GALNT9: variants seen among roughly 807,000 people sequenced by gnomAD.
The protein encoded by GALNT9 is polypeptide N-acetylgalactosaminyltransferase 9.
A neutral mutation model predicts 63.1 loss-of-function variants in GALNT9; 47 were observed. That is an observed-to-expected ratio of 0.75 (90% CI 0.59 to 0.95). The LOEUF is 0.95. Ranked by LOEUF, GALNT9 falls within the 40% of genes least tolerant of loss-of-function variation. GALNT9 has a pLI of 0.00. For synonymous variants in GALNT9, 396 were observed against 365.7 expected (o/e 1.08, Z -0.94); for missense variants, 829 against 874.8 (o/e 0.95, Z 0.66).
rs28412644 is a variant in GALNT9, at chr12:132,327,266, T to C, written c.238+1700A>G. Among the ~76,000 whole-genome samples the C allele has an allele frequency of 0.57, 71,017 of 125,498 alleles. 18,047 individuals are homozygous for C. Among genetic ancestry groups the C allele is most frequent in the African/African-American group, 0.7 (25,933 of 36,830 alleles). The allele number at this position is 125,498 out of a possible 152,430, so 82.3% of individuals were successfully genotyped here. ...GGACAGAGGACAGGAGGAAGCGGGATGGGAGAAGGCAGTGGGGGCGGTGGG... is the reference window on the plus strand; with the variant it reads ...GGACAGAGGACAGGAGGAAGCGGGACGGGAGAAGGCAGTGGGGGCGGTGGG... On this transcript the variant is annotated intron_variant, in intron 1 of 10. Transcript: ENST00000328957. The surrounding 1 kb of genome is among the most constrained non-coding windows in gnomAD (Gnocchi z 4.3).
rs782432750 is a variant in GALNT9, at chr12:132,296,157, G to A, written c.239-9727C>T. Among the ~76,000 whole-genome samples, 18 of 151,728 alleles carry A rather than the reference G, an allele frequency of 1.2e-4. No individual in the cohort carries two copies. Among genetic ancestry groups the A allele is most frequent in the South Asian group, 2.1e-4 (1 of 4,788 alleles). ...GAGCCTCTGAACAGGGACGGCCTCC[G>A]AACAGGGAGAGCCTCCGGAATAGGG... On this transcript the variant is annotated intron_variant, in intron 1 of 10. Coordinates refer to ENST00000328957, the MANE Select transcript of GALNT9 (RefSeq NM_001122636.2). The surrounding 1 kb of genome is among the most constrained non-coding windows in gnomAD (Gnocchi z 4.2).
rs61745412 is a variant in GALNT9 at position 132,199,225 on chromosome 12, C to A, written c.1446G>T (p.Ala482=). ...AGAGGATCGCCCGGTCGCCGTCCTC[C>A]GCTCCCTGGTCCAGACAGTAGGCAC... ...KASAYCLDQG[A]EDGDRAILYP... Residue 482 remains alanine (A), a synonymous_variant, in exon 9 of 11, where the codon GCG becomes GCT. Coordinates refer to ENST00000328957, the MANE Select transcript of GALNT9 (RefSeq NM_001122636.2). 7 of 1,604,702 alleles carry A rather than the reference C, an allele frequency of 4.4e-6. No homozygotes were observed. The highest frequency in any genetic ancestry group is 1.7e-5 in the Admixed American group (1 of 59,936).
At chr12:132,213,297 C>T (rs1877039641) in intron 6 of GALNT9, among the ~76,000 whole-genome samples, 1 of 152,212 alleles carries the variant, frequency 6.6e-6, no homozygotes, top group Middle Eastern at 3.2e-3. Context: ...GAAAACCCAC[C>T]CACTGCCCAC....
At chr12:132,228,771 C>T (rs1466739146) in intron 6 of GALNT9, among the ~76,000 whole-genome samples, 1 of 152,046 alleles carries the variant, frequency 6.6e-6, no homozygotes, top group Non-Finnish European at 1.5e-5. Context: ...TTCCGCTCTG[C>T]AGATGGCTTT....
At chr12:132,270,405 G>C (rs1879821637) in intron 2 of GALNT9, among the ~76,000 whole-genome samples, 1 of 152,248 alleles carries the variant, frequency 6.6e-6, no homozygotes, top group Admixed American at 6.5e-5. Context: ...CAGAGAGCTG[G>C]GGCCTGGAGT....
chr12:132,284,837 C>T (rs28577074), intron 2 of GALNT9, among the ~76,000 whole-genome samples: 29,014 of 152,202 alleles, frequency 0.19, 3,060 homozygotes, highest in South Asian at 0.31. Flanking sequence ...CAGGGAGCTC[C>T]GGGTTCCTGC....
At chr12:132,227,338 C>G (rs974719002) in intron 6 of GALNT9, among the ~76,000 whole-genome samples, 1 of 152,142 alleles carries the variant, frequency 6.6e-6, no homozygotes, top group Non-Finnish European at 1.5e-5. Context: ...ATTGCACGGA[C>G]AAAGGCCTGC....
intron 8 of GALNT9, chr12:132,200,870 G>A (rs922100594): frequency 1.6e-5 from 8 of 511,384 alleles, no homozygotes; most frequent in African/African-American, 7.8e-5. Flanking sequence ...ATGGACATGT[G>A]GGTCTGCAGG....
chr12:132,302,041 T>G (rs1555243877), intron 1 of GALNT9, among the ~76,000 whole-genome samples: 2 of 152,202 alleles, frequency 1.3e-5, no homozygotes, highest in Non-Finnish European at 2.9e-5. Flanking sequence ...TATTTAGGAT[T>G]GCTTATTTCA....
chr12:132,291,369 G>A lies in GALNT9; in HGVS notation c.239-4939C>T, dbSNP rs868972328. On this transcript the variant is annotated intron_variant, in intron 1 of 10. Transcript: ENST00000328957. The stretch of plus-strand genomic sequence containing the variant: ...CAGCACCCACGTCCACAGCACCCAC[G>A]TCCACAGCACCCACGTCCACAGCAC... Among the ~76,000 whole-genome samples the A allele has an allele frequency of 5.0e-3, 153 of 30,630 alleles. 1 individual carries two copies. The highest frequency in any genetic ancestry group is 0.01 in the African/African-American group (83 of 8,116). 20.1% of individuals were successfully genotyped at this position (30,630 alleles called of 152,430 possible). A position where few individuals can be genotyped will look rare whatever the true frequency, so the allele number is the denominator to read the frequency against.
chr12:132,287,715 C>T (rs1286900354), intron 1 of GALNT9, among the ~76,000 whole-genome samples: 1 of 152,176 alleles, frequency 6.6e-6, no homozygotes, highest in Non-Finnish European at 1.5e-5. Context: ...CAGGGAGGCT[C>T]CGCAGCTTGG....
intron 1 of GALNT9, among the ~76,000 whole-genome samples, chr12:132,326,031 G>T (rs1196892890): frequency 1.3e-5 from 2 of 152,246 alleles, no homozygotes; most frequent in African/African-American, 2.4e-5. Context: ...CGCTGCCCAG[G>T]CCTCGCATGG....
chr12:132,261,581 G>C (rs374958734), intron 3 of GALNT9, among the ~76,000 whole-genome samples: 1 of 152,226 alleles, frequency 6.6e-6, no homozygotes, highest in South Asian at 2.1e-4. Flanking sequence ...CAGCGAGACA[G>C]GGCTCAGGAG....
At position 132,286,213 on chromosome 12, in the gene GALNT9, G is replaced by T. The variant is rs1269362142; in HGVS notation, c.419+37C>A. On this transcript the variant is annotated intron_variant, in intron 2 of 10. Coordinates refer to ENST00000328957, the MANE Select transcript of GALNT9 (RefSeq NM_001122636.2). The surrounding 1 kb of genome is among the most constrained non-coding windows in gnomAD (Gnocchi z 7.4). ...AGTGTGGGGGGCGGTCACTTCCTCG[G>T]CGGGCGTCGGGGGATGGGGGGCAGT... 1.2e-5 allele frequency: 19 copies of T among 1,527,392 alleles called. No individual in the cohort carries two copies. Among genetic ancestry groups the T allele is most frequent in the Non-Finnish European group, 1.4e-5 (16 of 1,132,324 alleles). The allele number at this position is 1,527,392 out of a possible 1,614,324, so 94.6% of individuals were successfully genotyped here.
chr12:132,298,802 C>T (rs1321858970), intron 1 of GALNT9, among the ~76,000 whole-genome samples: 1 of 149,062 alleles, frequency 6.7e-6, no homozygotes, highest in Non-Finnish European at 1.5e-5. Flanking sequence ...GATAACCAAC[C>T]CACTCCTGAG....
intron 3 of GALNT9, among the ~76,000 whole-genome samples, chr12:132,261,409 G>T (rs996802607): frequency 6.6e-6 from 1 of 150,936 alleles, no homozygotes. Context: ...ACACAGGACT[G>T]CAGTCAGCTG....
At position 132,262,539 on chromosome 12, in the gene GALNT9, C is replaced by G. The variant is rs782268070; in HGVS notation, c.506G>C (p.Arg169Pro). The stretch of plus-strand genomic sequence containing the variant: ...GTGGTTGACCACGCTGTGCACGGAG[C>G]GCAGGATGACCGACAGCGCCTCATT... ...FVNEALSVIL[R>P]SVHSVVNHTP... Residue 169 changes from arginine to proline, a missense_variant, in exon 3 of 11, where the codon CGC (arginine) becomes CCC (proline). Transcript: ENST00000328957. 1 of 1,551,332 alleles carries G rather than the reference C, an allele frequency of 6.4e-7. No homozygotes were observed. Among genetic ancestry groups the G allele is most frequent in the Non-Finnish European group, 8.7e-7 (1 of 1,146,918 alleles).
intron 1 of GALNT9, among the ~76,000 whole-genome samples, chr12:132,293,657 G>A (rs1214200973): frequency 1.3e-5 from 2 of 152,228 alleles, no homozygotes; most frequent in African/African-American, 2.4e-5. Context: ...GTGTACAGTC[G>A]GAGCTGGATG....
rs185810178 is a variant in GALNT9, at chr12:132,282,194, G to C, written c.419+4056C>G. 1.3e-4 allele frequency among the ~76,000 whole-genome samples: 15 copies of C among 117,894 alleles called. 1 individual carries two copies. The highest frequency in any genetic ancestry group is 5.9e-4 in the African/African-American group (11 of 18,542). The allele number at this position is 117,894 out of a possible 152,430, so 77.3% of individuals were successfully genotyped here. A position where few individuals can be genotyped will look rare whatever the true frequency, so the allele number is the denominator to read the frequency against. On this transcript the variant is annotated intron_variant, in intron 2 of 10. Coordinates refer to ENST00000328957, the MANE Select transcript of GALNT9 (RefSeq NM_001122636.2). This position sits in a 1 kb window ranked among gnomAD's most constrained non-coding sequence, Gnocchi z 4.5. ...AGCAAGCCCAGGCCTGGGGGTCCCT[G>C]ATCCCACAGAAGAGGAATCAGCTCC... is the stretch of plus-strand genomic sequence containing the variant.
Sources: allele counts gnomAD v4.1 joint callset (sites outside exome capture counted in the v4.1 genomes callset), GRCh38; gene constraint gnomAD v4.1.1; non-coding constraint Gnocchi (gnomAD v3.1); transcripts MANE v1.5; gene names NCBI Gene and HGNC (gene_info 2026-07-23, HGNC 2026-07-21).